CTNNA2: variants seen among roughly 807,000 people sequenced by gnomAD.
The protein encoded by CTNNA2 is catenin alpha-2.
In CTNNA2, 42 loss-of-function variants were observed where a neutral mutation model predicts 101.0. The ratio of observed to expected loss-of-function variants is 0.42; its 90% confidence interval spans 0.32 to 0.54. The LOEUF is 0.54. Ranked by LOEUF, CTNNA2 falls within the 20% of genes least tolerant of loss-of-function variation. The probability of loss-of-function intolerance (pLI) is 0.14; values close to 1 mark genes in which losing one functional copy is unlikely to be tolerated. For synonymous variants in CTNNA2, 450 were observed against 456.4 expected (o/e 0.99, Z 0.18); for missense variants, 871 against 1,223.1 (o/e 0.71, Z 4.29).
intron 1 of CTNNA2, among the ~76,000 whole-genome samples, chr2:79,609,923 A>G (rs943110416): frequency 6.6e-6 from 1 of 152,142 alleles, no homozygotes; most frequent in African/African-American, 2.4e-5. Flanking sequence ...AAATCAATAA[A>G]TTGAGCTTCA....
chr2:80,447,067 C>A (rs1048429308), intron 9 of CTNNA2, among the ~76,000 whole-genome samples: 4 of 151,942 alleles, frequency 2.6e-5, no homozygotes, highest in Admixed American at 2.0e-4. Context: ...AAAGACATTG[C>A]CAAAAATAGG....
At chr2:79,477,774 G>T (rs1056991844) in intron 4 of CTNNA2, among the ~76,000 whole-genome samples, 5 of 152,142 alleles carry the variant, frequency 3.3e-5, no homozygotes, top group Non-Finnish European at 4.4e-5. Flanking sequence ...AACAGAATAC[G>T]CTAGTTACTG....
At chr2:79,773,907 G>A (rs965213394) in intron 3 of CTNNA2, among the ~76,000 whole-genome samples, 5 of 152,044 alleles carry the variant, frequency 3.3e-5, no homozygotes, top group Non-Finnish European at 7.3e-5. Context: ...CTTTCTTTGG[G>A]TTAGTGTAAA....
chr2:80,533,767 C>A (rs535504667), intron 9 of CTNNA2, among the ~76,000 whole-genome samples: 2 of 152,252 alleles, frequency 1.3e-5, no homozygotes, highest in South Asian at 4.1e-4. Context: ...TGGAGAGTTG[C>A]AAGGTTTTAG....
At chr2:80,357,043 C>T (rs1673881372) in intron 7 of CTNNA2, among the ~76,000 whole-genome samples, 1 of 152,108 alleles carries the variant, frequency 6.6e-6, no homozygotes, top group African/African-American at 2.4e-5. Context: ...CACTCATAAT[C>T]AAGCACAAAC....
At chr2:79,621,449 C>T (rs550286599) in intron 1 of CTNNA2, among the ~76,000 whole-genome samples, 1 of 152,162 alleles carries the variant, frequency 6.6e-6, no homozygotes, top group Non-Finnish European at 1.5e-5. Flanking sequence ...GGACACATGT[C>T]AAAGGGACAC....
intron 18 of CTNNA2, among the ~76,000 whole-genome samples, chr2:80,627,970 G>C (rs58598624): frequency 0.11 from 16,942 of 150,766 alleles, 1,665 homozygotes; most frequent in African/African-American, 0.27. Flanking sequence ...TTACCAATAA[G>C]AGACAAACAG....
At chr2:80,378,131 C>A (rs911811016) in intron 7 of CTNNA2, among the ~76,000 whole-genome samples, 1 of 151,850 alleles carries the variant, frequency 6.6e-6, no homozygotes, top group African/African-American at 2.4e-5. Flanking sequence ...CCGAGGTGGG[C>A]GAATCACGAG....
intron 7 of CTNNA2, among the ~76,000 whole-genome samples, chr2:80,338,844 T>C (rs948220975): frequency 2.0e-5 from 3 of 152,188 alleles, no homozygotes; most frequent in African/African-American, 7.2e-5. Context: ...ATAGGGGGAC[T>C]CTAGAGCTTT....
At chr2:79,581,639 C>G (rs148564608) in intron 1 of CTNNA2, among the ~76,000 whole-genome samples, 2 of 151,990 alleles carry the variant, frequency 1.3e-5, no homozygotes, top group African/African-American at 4.8e-5. Flanking sequence ...TCTTAATATT[C>G]ATAAGCCTGT....
intron 3 of CTNNA2, among the ~76,000 whole-genome samples, chr2:79,856,278 G>A (rs1441536931): frequency 1.3e-5 from 2 of 152,176 alleles, no homozygotes; most frequent in Non-Finnish European, 2.9e-5. Flanking sequence ...CACTGTGAGG[G>A]TTTAAATAAC....
chr2:79,622,803 G>T (rs1679079606), intron 1 of CTNNA2, among the ~76,000 whole-genome samples: 1 of 152,140 alleles, frequency 6.6e-6, no homozygotes, highest in South Asian at 2.1e-4. Flanking sequence ...AAGTTGAGAG[G>T]ACTGTAATGG....
intron 7 of CTNNA2, among the ~76,000 whole-genome samples, chr2:80,341,463 A>G (rs867324934): frequency 5.0e-4 from 76 of 152,336 alleles, no homozygotes; most frequent in African/African-American, 1.7e-3. Context: ...TTGAATAGAT[A>G]TTTATCCAGA....
At chr2:79,541,364 A>T (rs1673400417) in intron 1 of CTNNA2, among the ~76,000 whole-genome samples, 1 of 150,384 alleles carries the variant, frequency 6.6e-6, no homozygotes, top group Non-Finnish European at 1.5e-5. Context: ...CAATGTTTAC[A>T]CATATGTATA....
intron 7 of CTNNA2, among the ~76,000 whole-genome samples, chr2:80,071,081 C>A (rs902433866): frequency 3.9e-5 from 6 of 152,214 alleles, no homozygotes; most frequent in Non-Finnish European, 7.3e-5. Context: ...GGATTAAGAA[C>A]TGATAGATTT....
At chr2:80,409,732 T>C (rs907938776) in intron 8 of CTNNA2, among the ~76,000 whole-genome samples, 3 of 152,218 alleles carry the variant, frequency 2.0e-5, no homozygotes, top group Non-Finnish European at 2.9e-5. Flanking sequence ...TCTGAGCTAA[T>C]TGCATTAGTA....
At chr2:80,232,467 C>T (rs551658058) in intron 7 of CTNNA2, among the ~76,000 whole-genome samples, 1 of 149,476 alleles carries the variant, frequency 6.7e-6, no homozygotes, top group South Asian at 2.1e-4. Flanking sequence ...CTCCCATACC[C>T]AGTCCTGACT....
chr2:80,025,022 T>TC (rs1043448467), intron 7 of CTNNA2, among the ~76,000 whole-genome samples: 1 of 152,138 alleles, frequency 6.6e-6, no homozygotes, highest in African/African-American at 2.4e-5. Flanking sequence ...AGTTCGACCA[T>TC]CCCCGGCCAA....
At chr2:79,892,524 T>A (rs918944374) in intron 6 of CTNNA2, among the ~76,000 whole-genome samples, 5 of 152,190 alleles carry the variant, frequency 3.3e-5, no homozygotes, top group Non-Finnish European at 5.9e-5. Context: ...AGAAACATTA[T>A]TTAAAATATA....
Sources: gnomAD v4.1 joint callset for allele counts (sites outside exome capture counted in the v4.1 genomes callset) on GRCh38, gnomAD v4.1.1 for gene constraint, MANE v1.5 for transcripts, NCBI Gene and HGNC (gene_info 2026-07-23, HGNC 2026-07-21) for gene names.